The following CIT variants were observed in gnomAD, a reference collection of about 807,000 sequenced individuals.
CIT encodes the protein citron Rho-interacting kinase.
A neutral mutation model predicts 272.7 loss-of-function variants in CIT; 79 were observed. The observed-to-expected ratio is 0.29, with a 90% CI of 0.24 to 0.35. The LOEUF (loss-of-function observed/expected upper bound fraction) is 0.35, where lower values mean the gene tolerates loss of function less well. Ranked by LOEUF, CIT falls within the 10% of genes least tolerant of loss-of-function variation. The pLI is 1.00. For synonymous variants in CIT, 948 were observed against 995.6 expected, an observed-to-expected ratio of 0.95 and a Z score of 0.90; for missense variants, 1,909 against 2,618.3, an observed-to-expected ratio of 0.73 and a Z score of 5.91.
intron 24 of CIT, among the ~76,000 whole-genome samples, chr12:119,741,197 G>A (rs1959042216): frequency 6.6e-6 from 1 of 151,960 alleles, no homozygotes; most frequent in Non-Finnish European, 1.5e-5. Context: ...CAGCAACATG[G>A]AGGAACCTCA....
rs762885010 is a variant in CIT at position 119,701,609 on chromosome 12, G to C, written c.5542+15C>G. 4 of 1,611,366 alleles carry C rather than the reference G, an allele frequency of 2.5e-6. No homozygotes were observed. In the Admixed American group the frequency reaches 6.7e-5, roughly 27 times the overall value. On this transcript the variant is annotated intron_variant, in intron 43 of 47. Coordinates refer to ENST00000392521, the MANE Select transcript of CIT (RefSeq NM_001206999.2). ...ATGAGGACCCAAAAGGGCAGTGGGC[G>C]CAGCCACGACTCACCGTGGAAACAC... is the stretch of plus-strand genomic sequence containing the variant.
intron 10 of CIT, 97 bp from the exon 11 acceptor site, chr12:119,785,162 T>C: frequency 7.6e-7 from 1 of 1,312,434 alleles, no homozygotes; most frequent in Non-Finnish European, 1.1e-6. Flanking sequence ...CAAAAACATC[T>C]CATGCTCTTG....
At chr12:119,855,356 G>T (rs1172265635) in intron 4 of CIT, among the ~76,000 whole-genome samples, 1 of 152,094 alleles carries the variant, frequency 6.6e-6, no homozygotes, top group Non-Finnish European at 1.5e-5. Flanking sequence ...CTGGGAGGCG[G>T]AGCTTGCAGT....
At chr12:119,744,103 C>T (rs278117) in intron 23 of CIT, among the ~76,000 whole-genome samples, 126,204 of 152,128 alleles carry the variant, frequency 0.83, 52,683 homozygotes, top group Middle Eastern at 0.9. Flanking sequence ...AATGAAGGTA[C>T]TGTTACTGTC....
At chr12:119,834,962 T>C (rs1320477807) in intron 5 of CIT, among the ~76,000 whole-genome samples, 1 of 152,156 alleles carries the variant, frequency 6.6e-6, no homozygotes, top group African/African-American at 2.4e-5. Context: ...CCATGGAAAA[T>C]TGTCCATGAC....
chr12:119,868,581 C>A (rs949923749), intron 3 of CIT, among the ~76,000 whole-genome samples: 1 of 152,194 alleles, frequency 6.6e-6, no homozygotes, highest in African/African-American at 2.4e-5. Context: ...CTCTGTCACC[C>A]AGACTGGAGT....
At position 119,784,819 on chromosome 12, in the gene CIT, C is replaced by T. The variant is rs1165900340; in HGVS notation, c.1401+141G>A. The T allele has an allele frequency of 4.1e-5, 59 of 1,446,836 alleles. 1 individual carries two copies. In the South Asian group the frequency reaches 7.1e-4, roughly 18 times the overall value. 89.6% of individuals were successfully genotyped at this position (1,446,836 alleles called of 1,614,324 possible). A position where few individuals can be genotyped will look rare whatever the true frequency, so the allele number is the denominator to read the frequency against. On this transcript the variant is annotated intron_variant, in intron 11 of 47. Transcript: ENST00000392521. The surrounding 1 kb of genome is among the most constrained non-coding windows in gnomAD (Gnocchi z 4.7). ...ATCTCCCTCTGAGCTGCTGGAGGCG[C>T]GACTTCAGCGAAGGCAGGAGCGCCT...
rs774006998 is a variant in CIT at position 119,710,577 on chromosome 12, C to T, written c.4898G>A (p.Arg1633His). The T allele has an allele frequency of 9.9e-6, 16 of 1,614,086 alleles. No homozygotes were observed. Among genetic ancestry groups the T allele is most frequent in the East Asian group, 4.5e-5 (2 of 44,898 alleles). ...NSLLKLEGDDRLDMNCTLPFS... is the reference protein window; with the variant it reads ...NSLLKLEGDDHLDMNCTLPFS... The stretch of plus-strand genomic sequence containing the variant: ...GGGCAGCGTGCAGTTCATGTCTAGA[C>T]GGTCATCACCTTCCAGTTTCAGCAG... Residue 1633 changes from arginine to histidine, a missense_variant, in exon 38 of 48, where the codon CGT becomes CAT. By Grantham distance (29) the Arg-to-His change is conservative. This residue lies in a region of CIT where 780 missense variants were observed against 1,067.2 expected (regional missense o/e 0.73). Coordinates refer to ENST00000392521, the MANE Select transcript of CIT (RefSeq NM_001206999.2). The surrounding 1 kb of genome is among the most constrained non-coding windows in gnomAD (Gnocchi z 5.6).
intron 22 of CIT, among the ~76,000 whole-genome samples, 181 bp from the exon 23 acceptor site, chr12:119,752,428 G>GA (rs1230659517): frequency 4.6e-5 from 7 of 152,158 alleles, no homozygotes; most frequent in Non-Finnish European, 1.0e-4. Flanking sequence ...ATGCATCTCT[G>GA]AATTCAACAG....
Position 119,697,542 on chromosome 12 carries a change from T to G in CIT, c.5882+117A>C. On this transcript the variant is annotated intron_variant, in intron 46 of 47. Transcript: ENST00000392521. This position sits in a 1 kb window ranked among gnomAD's most constrained non-coding sequence, Gnocchi z 4.9. Reference sequence around the variant, plus strand: ...CGCAGATCGCAAACAAATGAATGGTTTGAGCTTAAGAACAAAGTGAAGATT... The same window carrying G: ...CGCAGATCGCAAACAAATGAATGGTGTGAGCTTAAGAACAAAGTGAAGATT... The G allele has an allele frequency of 1.8e-6, 2 of 1,099,360 alleles. No homozygotes were observed. Among genetic ancestry groups the G allele is most frequent in the Non-Finnish European group, 2.6e-6 (2 of 762,436 alleles). The allele number at this position is 1,099,360 out of a possible 1,614,324, so 68.1% of individuals were successfully genotyped here. A position where few individuals can be genotyped will look rare whatever the true frequency, so the allele number is the denominator to read the frequency against.
At chr12:119,830,075 C>A (rs1272190339) in intron 7 of CIT, among the ~76,000 whole-genome samples, 2 of 149,544 alleles carry the variant, frequency 1.3e-5, no homozygotes, top group Non-Finnish European at 3.0e-5. Flanking sequence ...TAAAAATATC[C>A]CCCCAAAAAT....
At chr12:119,745,385 A>AAAAAAAAAAAAAAC in intron 23 of CIT, among the ~76,000 whole-genome samples, 2 of 143,054 alleles carry the variant, frequency 1.4e-5, no homozygotes, top group Non-Finnish European at 3.1e-5. Context: ...AAAAAAAAAA[A>AAAAAAAAAAAAAAC]AAAAAAAAAA....
intron 19 of CIT, among the ~76,000 whole-genome samples, chr12:119,761,821 G>GA (rs2137506982): frequency 6.6e-6 from 1 of 152,226 alleles, no homozygotes; most frequent in South Asian, 2.1e-4. Context: ...TTCCCAAGAG[G>GA]AAACATAAAA....
Position 119,712,844 on chromosome 12 carries a change from G to A in CIT, c.4580-149C>T, listed in dbSNP as rs1957238610. 1.6e-6 allele frequency: 1 copy of A among 636,152 alleles called. No homozygotes were observed. The highest frequency in any genetic ancestry group is 2.8e-6 in the Non-Finnish European group (1 of 362,732). 39.4% of individuals were successfully genotyped at this position (636,152 alleles called of 1,614,324 possible). On this transcript the variant is annotated intron_variant, in intron 35 of 47. Coordinates refer to ENST00000392521, the MANE Select transcript of CIT (RefSeq NM_001206999.2). This position sits in a 1 kb window ranked among gnomAD's most constrained non-coding sequence, Gnocchi z 5.2. ...ACGAGAACAAGGAAGGGACAGAGGT[G>A]TGCAGAGAAGGCAGAGAGGGAAGAT...
chr12:119,744,812 T>C (rs1474821120), intron 23 of CIT, among the ~76,000 whole-genome samples: 1 of 152,094 alleles, frequency 6.6e-6, no homozygotes, highest in Non-Finnish European at 1.5e-5. Context: ...TAAATACTAT[T>C]GTCAGTTTAT....
intron 19 of CIT, among the ~76,000 whole-genome samples, chr12:119,761,912 GC>G (rs1961850190): frequency 6.6e-6 from 1 of 152,092 alleles, no homozygotes; most frequent in Admixed American, 6.6e-5. Context: ...AAAACAACAA[GC>G]AAAAAGGAAG....
At chr12:119,742,375 T>A in intron 24 of CIT, 36 bp downstream of exon 24, 1 of 1,514,712 alleles carries the variant, frequency 6.6e-7, no homozygotes, top group Admixed American at 2.1e-5. Flanking sequence ...TTTAGTTTCA[T>A]GTTATTTTAA....
At chr12:119,870,862 T>C (rs374390970) in intron 2 of CIT, among the ~76,000 whole-genome samples, 3 of 152,222 alleles carry the variant, frequency 2.0e-5, no homozygotes, top group South Asian at 2.1e-4. Context: ...GGCTCACACC[T>C]GTAATTCCAA....
chr12:119,702,091 CAT>C (rs1956618163), intron 41 of CIT, 133 bp from the exon 42 acceptor site: 2 of 647,876 alleles, frequency 3.1e-6, no homozygotes, highest in African/African-American at 1.9e-5. Context: ...TTCACGTTGT[CAT>C]AGAGAGCCAT....
Sources: gnomAD v4.1 joint callset for allele counts (sites outside exome capture counted in the v4.1 genomes callset) on GRCh38, gnomAD v4.1.1 for gene constraint, gnomAD v4.1.1 regional missense constraint, Gnocchi (gnomAD v3.1) non-coding constraint, MANE v1.5 for transcripts, NCBI Gene and HGNC (gene_info 2026-07-23, HGNC 2026-07-21) for gene names.